Variants in PLXNA4 observed in about 807,000 individuals in gnomAD.
The protein encoded by PLXNA4 is plexin A4.
A neutral mutation model predicts 191.8 loss-of-function variants in PLXNA4; 44 were observed. The observed-to-expected ratio is 0.23, with a 90% CI of 0.18 to 0.29. The LOEUF (loss-of-function observed/expected upper bound fraction) is 0.29, where lower values mean the gene tolerates loss of function less well. Among genes scored for constraint, PLXNA4 ranks in the 10% least tolerant of loss-of-function variants. The probability of loss-of-function intolerance (pLI) is 1.00; values close to 1 mark genes in which losing one functional copy is unlikely to be tolerated. For missense variants in PLXNA4, 1,800 were observed against 2,488.8 expected (o/e 0.72, Z 5.89); for synonymous variants, 1,082 against 1,009.5 (o/e 1.07, Z -1.36).
intron 31 of PLXNA4, 145 bp downstream of exon 31, chr7:132,132,904 A>T (rs963546426): frequency 2.5e-6 from 3 of 1,203,152 alleles, no homozygotes; most frequent in Non-Finnish European, 3.4e-6. Context: ...CAGCCTTTGG[A>T]TCACAGCCCC....
At chr7:132,225,972 G>T (rs1798309317) in intron 8 of PLXNA4, among the ~76,000 whole-genome samples, 189 bp downstream of exon 8, 1 of 149,970 alleles carries the variant, frequency 6.7e-6, no homozygotes, top group Non-Finnish European at 1.5e-5. Flanking sequence ...CAGAGGAGAG[G>T]GAGTGAGGGA....
chr7:132,289,389 T>C (rs11764790), intron 4 of PLXNA4, among the ~76,000 whole-genome samples: 5,782 of 152,336 alleles, frequency 0.038, 168 homozygotes, highest in Middle Eastern at 0.068. Context: ...TTTCTTAGGT[T>C]GGTTCCTTCT....
chr7:132,210,847 G>A (rs1321375893), intron 10 of PLXNA4, 96 bp downstream of exon 10: 19 of 1,374,712 alleles, frequency 1.4e-5, no homozygotes, highest in Non-Finnish European at 1.7e-5. Context: ...TTGAGGAAAC[G>A]ACTGCAGGGC....
intron 1 of PLXNA4, among the ~76,000 whole-genome samples, chr7:132,541,059 T>C (rs1432153760): frequency 6.6e-6 from 1 of 152,124 alleles, no homozygotes; most frequent in Admixed American, 6.5e-5. Context: ...TTTCAAAGGA[T>C]TCCCAAGGAA....
intron 4 of PLXNA4, among the ~76,000 whole-genome samples, chr7:132,273,991 T>C (rs1800175327): frequency 6.9e-6 from 1 of 145,252 alleles, no homozygotes. Context: ...TGCCATAGAA[T>C]ACTATTCAGC....
chr7:132,487,246 C>T (rs1331703722), intron 3 of PLXNA4, among the ~76,000 whole-genome samples: 1 of 152,164 alleles, frequency 6.6e-6, no homozygotes, highest in Non-Finnish European at 1.5e-5. Flanking sequence ...GTAAATGGTC[C>T]TCTGGCAGCT....
At chr7:132,523,644 T>A (rs753938489) in intron 1 of PLXNA4, among the ~76,000 whole-genome samples, 42 of 152,282 alleles carry the variant, frequency 2.8e-4, no homozygotes, top group Non-Finnish European at 5.1e-4. Flanking sequence ...GCAAGCTCAG[T>A]CTGGCTGCTG....
At position 132,440,424 on chromosome 7, in the gene PLXNA4, T is replaced by C. The variant is rs2288982; in HGVS notation, c.1371+48868A>G. ...TGGGCTGCTGTCTTCAAACTAACCA[T>C]CCTGAAACTGCTTTAAAGAGCCTGA... On this transcript the variant is annotated intron_variant, in intron 3 of 31. Transcript: ENST00000321063. Among the ~76,000 whole-genome samples, 84 of 152,270 alleles carry C rather than the reference T, an allele frequency of 5.5e-4. No homozygotes were observed. In the East Asian group the frequency reaches 0.015, roughly 28 times the overall value.
chr7:132,186,358 G>T (rs1796877680), intron 15 of PLXNA4, among the ~76,000 whole-genome samples: 1 of 152,206 alleles, frequency 6.6e-6, no homozygotes, highest in Non-Finnish European at 1.5e-5. Flanking sequence ...AGCTCCCAGA[G>T]TGGATCTGAC....
At position 132,195,695 on chromosome 7, in the gene PLXNA4, G is replaced by A. The variant is rs192377864; in HGVS notation, c.2739-1516C>T. On this transcript the variant is annotated intron_variant, in intron 13 of 31. Transcript: ENST00000321063. ...GGTGAGGTTTCATAAATTTTCACAT[G>A]GGTGTGTTTTTAAGATCTCATATAG... Among the ~76,000 whole-genome samples, 248 of 152,272 alleles carry A rather than the reference G, an allele frequency of 1.6e-3. 2 individuals are homozygous for A. The highest frequency in any genetic ancestry group is 5.8e-3 in the African/African-American group (240 of 41,564).
intron 10 of PLXNA4, among the ~76,000 whole-genome samples, chr7:132,206,693 C>G (rs1019018601): frequency 6.6e-6 from 1 of 152,054 alleles, no homozygotes; most frequent in African/African-American, 2.4e-5. Context: ...GGATGACCTG[C>G]AACGTGCCTG....
At position 132,123,753 on chromosome 7, in the gene PLXNA4, A is replaced by G. The variant is rs180809820; in HGVS notation, c.*6726T>C. ...ATGGGGCTGGAAGGGGGTGACTGGA[A>G]CAGAGATAACCTGCCCTACCTCCTT... On this transcript the variant is annotated 3_prime_UTR_variant, in exon 32 of 32. Coordinates refer to ENST00000321063, the MANE Select transcript of PLXNA4 (RefSeq NM_020911.2). The G allele has an allele frequency of 6.6e-6, 1 of 152,298 alleles. No homozygotes were observed. The highest frequency in any genetic ancestry group is 1.9e-4 in the East Asian group (1 of 5,176). 9.4% of individuals were successfully genotyped at this position (152,298 alleles called of 1,614,324 possible).
chr7:132,641,619 A>G (rs977674461), intron 2 of PLXNA4, among the ~76,000 whole-genome samples: 1 of 152,236 alleles, frequency 6.6e-6, no homozygotes, highest in African/African-American at 2.4e-5. Flanking sequence ...TTGCAAGAGA[A>G]TAGTGATCTT....
chr7:132,236,759 C>T (rs1477756470), intron 5 of PLXNA4, among the ~76,000 whole-genome samples: 1 of 152,154 alleles, frequency 6.6e-6, no homozygotes, highest in East Asian at 1.9e-4. Flanking sequence ...CCCACTCTTG[C>T]CACCTGTCTC....
Position 132,223,617 on chromosome 7 carries a change from T to C in PLXNA4, c.2007A>G (p.Pro669=), listed in dbSNP as rs1434809484. ...HNSCLSCVES[P]YRCHWCKYRH... ...GGTATTTACACCAGTGGCAGCGGTATGGACTCTCCACGCAGGACAGGCACC... is the reference window on the plus strand; with the variant it reads ...GGTATTTACACCAGTGGCAGCGGTACGGACTCTCCACGCAGGACAGGCACC... Residue 669 remains proline, a synonymous_variant, in exon 9 of 32, where the codon CCA becomes CCG. Coordinates refer to ENST00000321063, the MANE Select transcript of PLXNA4 (RefSeq NM_020911.2). 4 of 1,613,596 alleles carry C rather than the reference T, an allele frequency of 2.5e-6. No homozygotes were observed. The highest frequency in any genetic ancestry group is 1.7e-5 in the Admixed American group (1 of 59,986).
chr7:132,562,272 C>T (rs1563173805), intron 1 of PLXNA4, among the ~76,000 whole-genome samples: 3 of 131,218 alleles, frequency 2.3e-5, no homozygotes, highest in Admixed American at 7.5e-5. Flanking sequence ...CTTTCTCTGC[C>T]TCCTTCTCCT....
chr7:132,170,816 T>C (rs1796263508), intron 21 of PLXNA4, among the ~76,000 whole-genome samples: 1 of 152,254 alleles, frequency 6.6e-6, no homozygotes, highest in African/African-American at 2.4e-5. Flanking sequence ...AGGAAACGTG[T>C]GTGTTTCCAA....
intron 3 of PLXNA4, among the ~76,000 whole-genome samples, chr7:132,438,879 A>G (rs1018717834): frequency 6.6e-6 from 1 of 152,210 alleles, no homozygotes; most frequent in Non-Finnish European, 1.5e-5. Flanking sequence ...ACTGCTAGAC[A>G]GTAAGTCATC....
At chr7:132,608,197 G>A (rs939125720) in intron 2 of PLXNA4, among the ~76,000 whole-genome samples, 1 of 2,442 alleles carries the variant, frequency 4.1e-4, no homozygotes, top group Non-Finnish European at 9.9e-4. Context: ...CACCACCATG[G>A]CCACCATGAT....
Sources: gnomAD v4.1 joint callset for allele counts (sites outside exome capture counted in the v4.1 genomes callset) on GRCh38, gnomAD v4.1.1 for gene constraint, MANE v1.5 for transcripts, NCBI Gene and HGNC (gene_info 2026-07-23, HGNC 2026-07-21) for gene names.